SCHIP1: variants seen among roughly 807,000 people sequenced by gnomAD.
SCHIP1 encodes the protein schwannomin-interacting protein 1.
A neutral mutation model predicts 29.7 loss-of-function variants in SCHIP1; 8 were observed. That is an observed-to-expected ratio of 0.27 (90% CI 0.16 to 0.49). SCHIP1 has a LOEUF of 0.49. Ranked by LOEUF, SCHIP1 falls within the 20% of genes least tolerant of loss-of-function variation. The pLI is 0.99. For missense variants in SCHIP1, 193 were observed against 294.6 expected (o/e 0.66, Z 2.52); for synonymous variants, 76 against 94.9 (o/e 0.80, Z 1.16).
At chr3:159,304,846 A>T in the SCHIP1 span, among the ~76,000 whole-genome samples, 1 of 152,120 alleles carries the variant, frequency 6.6e-6, no homozygotes, top group African/African-American at 2.4e-5. Context: ...ATTAAATAAC[A>T]TTGGGTTTGA....
chr3:159,303,435 G>A, the SCHIP1 span, among the ~76,000 whole-genome samples: 138 of 85,550 alleles, frequency 1.6e-3, no homozygotes, highest in South Asian at 0.037. Flanking sequence ...ACAAATGAAT[G>A]TAAAGAGAGA....
the SCHIP1 span, among the ~76,000 whole-genome samples, chr3:159,379,057 G>A: frequency 6.6e-6 from 1 of 152,128 alleles, no homozygotes; most frequent in African/African-American, 2.4e-5. Flanking sequence ...CAGTGGCTGT[G>A]TTTGTCTCTG....
At chr3:159,418,778 G>A in the SCHIP1 span, among the ~76,000 whole-genome samples, 1 of 149,582 alleles carries the variant, frequency 6.7e-6, no homozygotes, top group Non-Finnish European at 1.5e-5. Flanking sequence ...AAGACTTGGT[G>A]ATAGCCTGAA....
chr3:159,437,285 A>T, the SCHIP1 span, among the ~76,000 whole-genome samples: 7 of 152,136 alleles, frequency 4.6e-5, no homozygotes, highest in South Asian at 2.1e-4. Flanking sequence ...AATATGTTCT[A>T]CCTTAGCCAA....
the SCHIP1 span, among the ~76,000 whole-genome samples, chr3:159,805,138 G>C: frequency 6.6e-6 from 1 of 152,290 alleles, no homozygotes; most frequent in East Asian, 1.9e-4. Context: ...CCAAGCACCT[G>C]GGCTTTGCAG....
chr3:159,701,396 C>G, the SCHIP1 span, among the ~76,000 whole-genome samples: 1 of 152,112 alleles, frequency 6.6e-6, no homozygotes, highest in East Asian at 1.9e-4. Context: ...ACAGTATATC[C>G]TTTTTAAACC....
the SCHIP1 span, among the ~76,000 whole-genome samples, chr3:159,832,232 GCCA>G: frequency 5.9e-5 from 9 of 151,802 alleles, no homozygotes; most frequent in African/African-American, 7.3e-5. Flanking sequence ...TTCCCCTATC[GCCA>G]CCACAACTTC....
At chr3:159,385,158 T>C in the SCHIP1 span, among the ~76,000 whole-genome samples, 1 of 152,148 alleles carries the variant, frequency 6.6e-6, no homozygotes, top group Non-Finnish European at 1.5e-5. Context: ...TCTAAGCCAC[T>C]TGGTGATGAA....
At chr3:159,886,480 A>G in intron 3 of SCHIP1, 156 bp downstream of exon 4, 2 of 614,112 alleles carry the variant, frequency 3.3e-6, no homozygotes, top group South Asian at 4.5e-5. Flanking sequence ...CAATGATTAA[A>G]AAGTCAAAGT....
At chr3:159,880,834 T>C (rs1716362984) in intron 2 of SCHIP1, among the ~76,000 whole-genome samples, 1 of 152,256 alleles carries the variant, frequency 6.6e-6, no homozygotes, top group African/African-American at 2.4e-5. Context: ...GTGTGTGTGA[T>C]GATTTTTGTT....
At chr3:159,273,906 A>G in the SCHIP1 span, 2 of 1,612,556 alleles carry the variant, frequency 1.2e-6, no homozygotes, top group East Asian at 2.2e-5. Context: ...AATGTCTACC[A>G]TCTATTTTAG....
At chr3:159,676,109 C>T in the SCHIP1 span, among the ~76,000 whole-genome samples, 1 of 152,068 alleles carries the variant, frequency 6.6e-6, no homozygotes, top group Non-Finnish European at 1.5e-5. Flanking sequence ...CCAGCCTGAG[C>T]GACGGTGCAA....
chr3:159,336,505 T>G, the SCHIP1 span, among the ~76,000 whole-genome samples: 1 of 152,214 alleles, frequency 6.6e-6, no homozygotes, highest in East Asian at 1.9e-4. Context: ...TAATCCATCT[T>G]GAATTAATTT....
the SCHIP1 span, among the ~76,000 whole-genome samples, chr3:159,595,429 C>A: frequency 1.3e-5 from 2 of 151,852 alleles, no homozygotes; most frequent in African/African-American, 2.4e-5. Flanking sequence ...GGAGTGGGTG[C>A]CATGGAGGCT....
chr3:159,854,997 C>T (rs1297681045), intron 1 of SCHIP1, among the ~76,000 whole-genome samples: 3 of 152,138 alleles, frequency 2.0e-5, no homozygotes, highest in Non-Finnish European at 4.4e-5. Flanking sequence ...AACAACAAAA[C>T]AGAATTGCAC....
chr3:159,293,286 C>T, the SCHIP1 span, among the ~76,000 whole-genome samples: 1 of 152,014 alleles, frequency 6.6e-6, no homozygotes, highest in Non-Finnish European at 1.5e-5. Context: ...CAAGATCTGC[C>T]CAGCCATGTT....
chr3:159,703,198 G>T, the SCHIP1 span, among the ~76,000 whole-genome samples: 20 of 152,144 alleles, frequency 1.3e-4, no homozygotes, highest in Admixed American at 3.9e-4. Flanking sequence ...GGAATCAAAT[G>T]ATTCAAGAAC....
At chr3:159,711,571 T>C in the SCHIP1 span, among the ~76,000 whole-genome samples, 26 of 151,978 alleles carry the variant, frequency 1.7e-4, no homozygotes, top group African/African-American at 6.0e-4. Flanking sequence ...TGGTCTCCAT[T>C]TGGGGGTTAC....
At chr3:159,779,628 G>C in the SCHIP1 span, among the ~76,000 whole-genome samples, 2 of 151,522 alleles carry the variant, frequency 1.3e-5, no homozygotes, top group Admixed American at 6.6e-5. Context: ...AGCCAAGATC[G>C]CACCATGGCA....
Sources: allele counts gnomAD v4.1 joint callset (sites outside exome capture counted in the v4.1 genomes callset), GRCh38; gene constraint gnomAD v4.1.1; transcripts MANE v1.5; gene names NCBI Gene and HGNC (gene_info 2026-07-23, HGNC 2026-07-21).